The following ANKS1B variants were observed in gnomAD, a reference collection of about 807,000 sequenced individuals.
ANKS1B encodes ankyrin repeat and sterile alpha motif domain-containing protein 1B.
ANKS1B carries 36 observed loss-of-function variants against 148.3 expected under a neutral mutation model. The ratio of observed to expected loss-of-function variants is 0.24; its 90% CI spans 0.19 to 0.32. The LOEUF (loss-of-function observed/expected upper bound fraction) is 0.32. Ranked by LOEUF, ANKS1B falls within the 10% of genes least tolerant of loss-of-function variation. The pLI is 1.00. For missense variants in ANKS1B, 1,157 were observed against 1,542.6 expected, an observed-to-expected ratio of 0.75 and a Z score of 4.19; for synonymous variants, 542 against 560.8, an observed-to-expected ratio of 0.97 and a Z score of 0.47.
intron 12 of ANKS1B, among the ~76,000 whole-genome samples, chr12:99,365,888 C>T (rs536138544): frequency 7.4e-4 from 113 of 151,894 alleles, no homozygotes; most frequent in African/African-American, 2.7e-3. Context: ...CGTACTGAAA[C>T]AAAATTGTAT....
intron 25 of ANKS1B, among the ~76,000 whole-genome samples, chr12:98,755,206 C>T (rs1298596624): frequency 6.6e-6 from 1 of 152,196 alleles, no homozygotes; most frequent in Admixed American, 6.5e-5. Flanking sequence ...GTTCAATTCT[C>T]CTGCCTCTCC....
intron 12 of ANKS1B, among the ~76,000 whole-genome samples, chr12:99,290,286 A>G (rs533335891): frequency 2.8e-5 from 3 of 108,070 alleles, no homozygotes; most frequent in East Asian, 4.8e-4. Context: ...AGTCTCCCAG[A>G]AAAAAAAAAA....
chr12:99,171,006 C>T (rs995299840), intron 14 of ANKS1B, among the ~76,000 whole-genome samples: 1 of 152,142 alleles, frequency 6.6e-6, no homozygotes, highest in Non-Finnish European at 1.5e-5. Flanking sequence ...GAAGGCTATG[C>T]CCACATTGGG....
At chr12:99,742,394 T>G (rs770976609) in intron 8 of ANKS1B, among the ~76,000 whole-genome samples, 5 of 152,008 alleles carry the variant, frequency 3.3e-5, no homozygotes, top group African/African-American at 4.8e-5. Context: ...AAAAATATAA[T>G]TTTTTAAAAA....
chr12:98,885,164 C>T (rs935528689), intron 17 of ANKS1B, among the ~76,000 whole-genome samples: 10 of 152,082 alleles, frequency 6.6e-5, no homozygotes, highest in African/African-American at 2.4e-4. Context: ...TAAACTGCTT[C>T]ACAGAACTTC....
At chr12:99,068,703 CAGAG>C (rs10554812) in intron 16 of ANKS1B, among the ~76,000 whole-genome samples, 79,468 of 144,302 alleles carry the variant, frequency 0.55, 22,442 homozygotes, top group East Asian at 0.74. Context: ...GGGTGGGGGG[CAGAG>C]AGAGAGAGAG....
intron 12 of ANKS1B, among the ~76,000 whole-genome samples, chr12:99,324,242 C>G (rs1438928175): frequency 6.6e-6 from 1 of 152,110 alleles, no homozygotes; most frequent in African/African-American, 2.4e-5. Flanking sequence ...CTGTTCTAAG[C>G]TATTTATTTG....
At chr12:99,428,834 T>A (rs1411587586) in intron 11 of ANKS1B, among the ~76,000 whole-genome samples, 1 of 152,124 alleles carries the variant, frequency 6.6e-6, no homozygotes, top group Non-Finnish European at 1.5e-5. Flanking sequence ...TGATTCCACA[T>A]CTAGGACTGG....
At chr12:99,654,034 C>T (rs1169256736) in intron 9 of ANKS1B, among the ~76,000 whole-genome samples, 1 of 152,106 alleles carries the variant, frequency 6.6e-6, no homozygotes, top group Non-Finnish European at 1.5e-5. Context: ...GAATCTCTAC[C>T]TTTATGGAGC....
intron 12 of ANKS1B, among the ~76,000 whole-genome samples, chr12:99,344,225 C>T (rs2090344816): frequency 1.3e-5 from 2 of 151,906 alleles, no homozygotes; most frequent in African/African-American, 4.8e-5. Context: ...GTGTGTTTGT[C>T]CATGCTATTC....
intron 15 of ANKS1B, among the ~76,000 whole-genome samples, chr12:99,134,692 CACACACA>C (rs2067384332): frequency 8.2e-6 from 1 of 121,456 alleles, no homozygotes; most frequent in African/African-American, 3.0e-5. Context: ...CACACACACA[CACACACA>C]CCAGGCATTT....
Position 99,158,962 on chromosome 12 carries a change from T to C in ANKS1B, c.2420-4567A>G, listed in dbSNP as rs1007913170. ...GTGTGGCTGAGAGGTCAGGGGCTCC[T>C]TTCTTCCACCCAGACCCCATTCATA... On this transcript the variant is annotated intron_variant, in intron 14 of 26. Transcript: ENST00000683438. Among the ~76,000 whole-genome samples, 6 of 152,272 alleles carry C rather than the reference T, an allele frequency of 3.9e-5. 1 individual carries two copies. Among genetic ancestry groups the C allele is most frequent in the Middle Eastern group, 3.4e-3 (1 of 294 alleles).
intron 15 of ANKS1B, among the ~76,000 whole-genome samples, chr12:99,085,832 A>C (rs2051540802): frequency 6.6e-6 from 1 of 152,138 alleles, no homozygotes; most frequent in Non-Finnish European, 1.5e-5. Context: ...ACGGACGTAG[A>C]GGGGAATAAT....
intron 17 of ANKS1B, among the ~76,000 whole-genome samples, chr12:98,942,785 C>T (rs1385558598): frequency 1.7e-4 from 26 of 152,184 alleles, no homozygotes; most frequent in Admixed American, 1.6e-3. Context: ...CTGTGAGAAT[C>T]GTCCTCTTTA....
At chr12:98,877,076 T>A (rs1182974405) in intron 17 of ANKS1B, among the ~76,000 whole-genome samples, 2 of 152,208 alleles carry the variant, frequency 1.3e-5, no homozygotes, top group African/African-American at 4.8e-5. Context: ...GCCAATCTAA[T>A]GGGGCCAGTT....
intron 1 of ANKS1B, among the ~76,000 whole-genome samples, chr12:99,940,702 T>C (rs2153815783): frequency 6.6e-6 from 1 of 152,226 alleles, no homozygotes; most frequent in African/African-American, 2.4e-5. Context: ...TGATTCAAAT[T>C]CCACACTAAC....
intron 15 of ANKS1B, among the ~76,000 whole-genome samples, chr12:99,125,636 G>A (rs1421527255): frequency 6.6e-6 from 1 of 152,138 alleles, no homozygotes; most frequent in Non-Finnish European, 1.5e-5. Context: ...TTTGAGAACT[G>A]TGTGCTAGGT....
intron 10 of ANKS1B, among the ~76,000 whole-genome samples, chr12:99,500,550 G>A (rs2096645367): frequency 6.6e-6 from 1 of 152,172 alleles, no homozygotes; most frequent in Non-Finnish European, 1.5e-5. Flanking sequence ...CAAACTTGCA[G>A]ATTTGTGAGC....
chr12:99,906,242 G>T (rs2093777163), intron 1 of ANKS1B, among the ~76,000 whole-genome samples: 1 of 152,124 alleles, frequency 6.6e-6, no homozygotes, highest in Non-Finnish European at 1.5e-5. Flanking sequence ...CAAGAAGCAG[G>T]ACTGGCAATG....
Sources: gnomAD v4.1 joint callset for allele counts (sites outside exome capture counted in the v4.1 genomes callset) on GRCh38, gnomAD v4.1.1 for gene constraint, MANE v1.5 for transcripts, NCBI Gene and HGNC (gene_info 2026-07-23, HGNC 2026-07-21) for gene names.